The following ZNF253 variants were observed in gnomAD, a reference collection of about 807,000 sequenced individuals.
The protein encoded by ZNF253 is DNA-binding protein.
Under a neutral mutation model 11.9 loss-of-function variants are expected in ZNF253, and 8 were observed. The observed-to-expected ratio is 0.67, with a 90% CI of 0.40 to 1.22. The LOEUF is 1.22. Ranked by LOEUF, ZNF253 falls within the 50% of genes most tolerant of loss-of-function variation. ZNF253 has a pLI of 0.01. For synonymous variants in ZNF253, 194 were observed against 194.9 expected, an observed-to-expected ratio of 1.00 and a Z score of 0.04; for missense variants, 485 against 586.9, an observed-to-expected ratio of 0.83 and a Z score of 1.79.
chr19:19,886,835 A>T (rs1044893863), intron 3 of ZNF253, among the ~76,000 whole-genome samples: 13 of 152,292 alleles, frequency 8.5e-5, no homozygotes, highest in African/African-American at 3.1e-4. Context: ...AATATTGTCT[A>T]TAATGTTAGC....
At chr19:19,887,499 A>G (rs904601905) in intron 3 of ZNF253, among the ~76,000 whole-genome samples, 2 of 152,002 alleles carry the variant, frequency 1.3e-5, no homozygotes, top group African/African-American at 4.8e-5. Context: ...GGGTTCCACC[A>G]TGATGGCCGG....
chr19:19,887,486 A>G (rs4808222), intron 3 of ZNF253, among the ~76,000 whole-genome samples: 39,106 of 151,732 alleles, frequency 0.26, 5,982 homozygotes, highest in Middle Eastern at 0.44. Flanking sequence ...TTTACTAGTG[A>G]CAGGGTTCCA....
At chr19:19,871,397 G>A (rs546072445) in intron 1 of ZNF253, 1 of 152,286 alleles carries the variant, frequency 6.6e-6, no homozygotes, top group Admixed American at 6.5e-5. Flanking sequence ...AGAGAGGAAG[G>A]ACACTAGCAT....
intron 3 of ZNF253, among the ~76,000 whole-genome samples, chr19:19,881,072 G>T (rs1404510270): frequency 6.6e-6 from 1 of 152,066 alleles, no homozygotes; most frequent in African/African-American, 2.4e-5. Context: ...CTGCAATTTT[G>T]ATAGGAAGTG....
chr19:19,884,454 C>G (rs1370582921), intron 3 of ZNF253, among the ~76,000 whole-genome samples: 1 of 152,018 alleles, frequency 6.6e-6, no homozygotes, highest in Non-Finnish European at 1.5e-5. Context: ...TCACTGCAAC[C>G]TCTGCCTTTG....
At chr19:19,887,879 G>A (rs1304303132) in intron 3 of ZNF253, among the ~76,000 whole-genome samples, 1 of 150,616 alleles carries the variant, frequency 6.6e-6, no homozygotes, top group African/African-American at 2.4e-5. Context: ...TGGGATTACA[G>A]GCATGCCCCA....
intron 3 of ZNF253, among the ~76,000 whole-genome samples, chr19:19,885,264 TTTCTTTCTTTCTTTCTTTC>T (rs2063196238): frequency 3.0e-5 from 2 of 66,148 alleles, no homozygotes; most frequent in Non-Finnish European, 2.4e-5. Flanking sequence ...TCTTTCTTTC[TTTCTTTCTTTCTTTCTTTC>T]TTTCTTTCTC....
intron 1 of ZNF253, among the ~76,000 whole-genome samples, chr19:19,866,505 T>TTG (rs2063111673): frequency 6.6e-6 from 1 of 151,638 alleles, no homozygotes; most frequent in African/African-American, 2.4e-5. Context: ...AGGAAGGTTT[T>TTG]TTTTTTTTTT....
chr19:19,867,258 A>G (rs1392557828), intron 1 of ZNF253, among the ~76,000 whole-genome samples: 2 of 152,226 alleles, frequency 1.3e-5, no homozygotes, highest in Non-Finnish European at 2.9e-5. Context: ...ATAATGGTCT[A>G]CAGCTTTATT....
intron 3 of ZNF253, among the ~76,000 whole-genome samples, chr19:19,885,255 CTT>C (rs1179966848): frequency 7.6e-4 from 48 of 63,478 alleles, no homozygotes; most frequent in South Asian, 7.4e-3. Context: ...TTCTTTCTTT[CTT>C]TCTTTCTTTC....
chr19:19,891,440 A>T (rs750954934), intron 3 of ZNF253, 34 bp from the exon 4 acceptor site: 15 of 1,501,864 alleles, frequency 1.0e-5, no homozygotes, highest in Non-Finnish European at 1.3e-5. Flanking sequence ...TGAGTCTAGC[A>T]ATTGAAGTAA....
At chr19:19,884,505 G>A (rs1265815680) in intron 3 of ZNF253, among the ~76,000 whole-genome samples, 1 of 151,956 alleles carries the variant, frequency 6.6e-6, no homozygotes, top group Non-Finnish European at 1.5e-5. Flanking sequence ...CCAAGTTCCT[G>A]GGATTACAGG....
chr19:19,869,687 TA>T (rs35061008), intron 1 of ZNF253, among the ~76,000 whole-genome samples: 1,534 of 85,344 alleles, frequency 0.018, 134 homozygotes, highest in East Asian at 0.059. Context: ...TTTTTTTTTT[TA>T]AAAAACAGTC....
chr19:19,878,727 C>G, intron 2 of ZNF253, 120 bp downstream of exon 2: 3 of 1,044,568 alleles, frequency 2.9e-6, no homozygotes, highest in Non-Finnish European at 4.0e-6. Context: ...GCATAAGCCA[C>G]TGCGCCTGGC....
intron 1 of ZNF253, among the ~76,000 whole-genome samples, chr19:19,874,385 A>G (rs1470620052): frequency 1.3e-5 from 2 of 152,056 alleles, no homozygotes; most frequent in East Asian, 3.9e-4. Flanking sequence ...TTAGCTAGGC[A>G]TGGCGGCACA....
chr19:19,866,044 G>C (rs765414562), intron 1 of ZNF253, 45 bp downstream of exon 1: 1 of 1,613,868 alleles, frequency 6.2e-7, no homozygotes, highest in Non-Finnish European at 8.5e-7. Context: ...GAGGCTGTTT[G>C]GAACGGTGGG....
chr19:19,869,683 TTTTTAA>T (rs2063125227), intron 1 of ZNF253, among the ~76,000 whole-genome samples: 1 of 118,920 alleles, frequency 8.4e-6, no homozygotes, highest in African/African-American at 4.6e-5. Flanking sequence ...TTTTTTTTTT[TTTTTAA>T]AAAACAGTCT....
At chr19:19,867,056 T>C (rs2063114539) in intron 1 of ZNF253, among the ~76,000 whole-genome samples, 2 of 152,188 alleles carry the variant, frequency 1.3e-5, no homozygotes, top group Non-Finnish European at 1.5e-5. Context: ...TAAAAATTTA[T>C]GGGGCCGGGC....
chr19:19,892,249 T>C lies in ZNF253; in HGVS notation c.1002T>C (p.His334=). The stretch of plus-strand genomic sequence containing the variant: ...ACCTTACTATACATAAGAGAATTCA[T>C]ACAGGAGAGAAACCCTACAAATGTG... ...CSNLTIHKRI[H]TGEKPYKCEE... The change falls in exon 4 of 4, where the codon CAT becomes CAC. Residue 334 remains histidine, a synonymous_variant. Transcript: ENST00000589717. The C allele has an allele frequency of 6.2e-7, 1 of 1,613,966 alleles. No homozygotes were observed. Among genetic ancestry groups the C allele is most frequent in the Non-Finnish European group, 8.5e-7 (1 of 1,179,990 alleles).
Sources: allele counts gnomAD v4.1 joint callset (sites outside exome capture counted in the v4.1 genomes callset), GRCh38; gene constraint gnomAD v4.1.1; transcripts MANE v1.5; gene names NCBI Gene and HGNC (gene_info 2026-07-23, HGNC 2026-07-21).